The following TSPAN5 variants were observed in gnomAD, a reference collection of about 807,000 sequenced individuals.
TSPAN5 encodes the protein tetraspanin 5, also known as tetraspanin-5.
TSPAN5 carries 10 observed loss-of-function variants against 37.1 expected under a neutral mutation model. The observed-to-expected ratio is 0.27, with a 90% CI of 0.17 to 0.46. The LOEUF is 0.46. TSPAN5 is among the 20% of genes least tolerant of loss of function. The pLI is 1.00. For missense variants in TSPAN5, 195 were observed against 326.6 expected, an observed-to-expected ratio of 0.60 and a Z score of 3.11; for synonymous variants, 110 against 118.9, an observed-to-expected ratio of 0.93 and a Z score of 0.48.
intron 1 of TSPAN5, among the ~76,000 whole-genome samples, chr4:98,529,158 G>A (rs906711691): frequency 2.0e-5 from 3 of 152,206 alleles, no homozygotes; most frequent in African/African-American, 7.2e-5. Flanking sequence ...CACACACACA[G>A]ATGCAGGTCT....
intron 1 of TSPAN5, among the ~76,000 whole-genome samples, chr4:98,622,208 T>C (rs892528819): frequency 2.6e-5 from 4 of 152,170 alleles, no homozygotes. Flanking sequence ...GCCTCACAAG[T>C]AGCTGGGATT....
intron 2 of TSPAN5, among the ~76,000 whole-genome samples, chr4:98,491,970 T>C (rs768136922): frequency 7.2e-5 from 11 of 152,100 alleles, no homozygotes; most frequent in Non-Finnish European, 1.6e-4. Flanking sequence ...GGCACCAGAT[T>C]CACAGTAAAT....
chr4:98,609,336 G>A (rs1194583391), intron 1 of TSPAN5, among the ~76,000 whole-genome samples: 1 of 152,186 alleles, frequency 6.6e-6, no homozygotes, highest in African/African-American at 2.4e-5. Flanking sequence ...CAGCCAGAGT[G>A]GGGCGCACCC....
At chr4:98,623,839 A>G (rs1048345830) in intron 1 of TSPAN5, among the ~76,000 whole-genome samples, 15 of 152,172 alleles carry the variant, frequency 9.9e-5, no homozygotes, top group African/African-American at 3.6e-4. Context: ...GCACACATAC[A>G]TATATACAAT....
intron 5 of TSPAN5, among the ~76,000 whole-genome samples, chr4:98,477,622 G>A (rs1267022474): frequency 6.6e-6 from 1 of 151,754 alleles, no homozygotes; most frequent in Non-Finnish European, 1.5e-5. Context: ...GATGCGTGGA[G>A]TAACCTCTCA....
rs1380374600 is a variant in TSPAN5, at chr4:98,530,717, T to C, written c.82-22989A>G. Among the ~76,000 whole-genome samples, 3 of 132,384 alleles carry C rather than the reference T, an allele frequency of 2.3e-5. No homozygotes were observed. The Admixed American group carries it at 2.5e-4, about 11-fold the overall frequency. 86.8% of individuals were successfully genotyped at this position (132,384 alleles called of 152,430 possible). On this transcript the variant is annotated intron_variant, in intron 1 of 7. Transcript: ENST00000305798. ...GATTCACTTAAGATTACACAACATATACACACATATTATACACACACACAC... is the reference window on the plus strand; with the variant it reads ...GATTCACTTAAGATTACACAACATACACACACATATTATACACACACACAC...
At chr4:98,486,210 G>A (rs1207903772) in intron 3 of TSPAN5, among the ~76,000 whole-genome samples, 4 of 152,064 alleles carry the variant, frequency 2.6e-5, no homozygotes, top group Non-Finnish European at 4.4e-5. Context: ...CACGCCAACC[G>A]CACCACATCT....
chr4:98,630,585 G>A (rs1050286967), intron 1 of TSPAN5, among the ~76,000 whole-genome samples: 2 of 152,110 alleles, frequency 1.3e-5, no homozygotes, highest in African/African-American at 4.8e-5. Flanking sequence ...TCTCAACCCG[G>A]GAGACTGTGC....
chr4:98,574,656 C>T (rs1755194516), intron 1 of TSPAN5: 1 of 152,260 alleles, frequency 6.6e-6, no homozygotes, highest in South Asian at 2.1e-4. Flanking sequence ...CCCATCCCGG[C>T]TCATACACTT....
At chr4:98,509,374 G>A (rs1008874674) in intron 1 of TSPAN5, among the ~76,000 whole-genome samples, 2 of 152,170 alleles carry the variant, frequency 1.3e-5, no homozygotes, top group Admixed American at 6.5e-5. Context: ...AAATCCAAAC[G>A]GGACTTGGAC....
intron 1 of TSPAN5, among the ~76,000 whole-genome samples, chr4:98,519,712 G>A (rs1044145894): frequency 4.6e-5 from 7 of 152,178 alleles, no homozygotes; most frequent in Non-Finnish European, 8.8e-5. Context: ...TTCAGTTTTA[G>A]GCGTTATTAC....
At chr4:98,579,095 A>C (rs1024317830) in intron 1 of TSPAN5, among the ~76,000 whole-genome samples, 4 of 152,120 alleles carry the variant, frequency 2.6e-5, no homozygotes, top group African/African-American at 9.7e-5. Flanking sequence ...TCCTCCCCAC[A>C]AAGCTGTTAG....
At chr4:98,608,565 G>A (rs548212485) in intron 1 of TSPAN5, among the ~76,000 whole-genome samples, 18 of 152,218 alleles carry the variant, frequency 1.2e-4, no homozygotes, top group Admixed American at 5.9e-4. Context: ...AGGTGGCAGC[G>A]GAAGAACGAG....
Position 98,476,439 on chromosome 4 carries a change from A to G in TSPAN5, c.598T>C (p.Cys200Arg). 2 of 1,614,240 alleles carry G rather than the reference A, an allele frequency of 1.2e-6. No homozygotes were observed. Among genetic ancestry groups the G allele is most frequent in the Non-Finnish European group, 1.7e-6 (2 of 1,180,042 alleles). Residue 200 changes from cysteine (C) to arginine (R), a missense_variant, in exon 6 of 8, where the codon TGT (cysteine) becomes CGT (arginine). Transcript: ENST00000305798. ...GGTTTTTGCCTGGCATCATAGCCAC[A>G]CTGAGTGTTGATGACATCTTCCTGG... ...DPAEDVINTQCGYDARQKPEV... is the reference protein window; with the variant it reads ...DPAEDVINTQRGYDARQKPEV...
chr4:98,551,070 G>C (rs1754603900), intron 1 of TSPAN5, among the ~76,000 whole-genome samples: 1 of 152,070 alleles, frequency 6.6e-6, no homozygotes, highest in Non-Finnish European at 1.5e-5. Flanking sequence ...CTCGTATGTT[G>C]AAGACTTTTA....
At chr4:98,488,172 G>A (rs1430455624) in intron 2 of TSPAN5, among the ~76,000 whole-genome samples, 6 of 152,162 alleles carry the variant, frequency 3.9e-5, no homozygotes, top group African/African-American at 9.7e-5. Flanking sequence ...AGACGCCATC[G>A]CTTCTTTGAA....
chr4:98,609,899 C>A (rs1421984145), intron 1 of TSPAN5, among the ~76,000 whole-genome samples: 1 of 152,106 alleles, frequency 6.6e-6, no homozygotes, highest in Non-Finnish European at 1.5e-5. Context: ...TCAGAGGCTG[C>A]CTGACTGATT....
chr4:98,636,753 T>C (rs1273194271), intron 1 of TSPAN5, among the ~76,000 whole-genome samples: 1 of 152,250 alleles, frequency 6.6e-6, no homozygotes, highest in African/African-American at 2.4e-5. Context: ...AAATGTCAAA[T>C]GTAATTATAG....
chr4:98,502,160 G>A (rs576988664), intron 2 of TSPAN5, among the ~76,000 whole-genome samples: 24 of 152,330 alleles, frequency 1.6e-4, no homozygotes, highest in Non-Finnish European at 2.5e-4. Flanking sequence ...GGGAGGGCAT[G>A]AGAATCACTT....
Sources: allele counts gnomAD v4.1 joint callset (sites outside exome capture counted in the v4.1 genomes callset), GRCh38; gene constraint gnomAD v4.1.1; transcripts MANE v1.5; gene names NCBI Gene and HGNC (gene_info 2026-07-23, HGNC 2026-07-21).